The following CNTNAP4 variants were observed in gnomAD, a reference collection of about 807,000 sequenced individuals.
The protein encoded by CNTNAP4 is contactin associated protein family member 4, also known as contactin-associated protein-like 4.
A neutral mutation model predicts 148.4 loss-of-function variants in CNTNAP4; 98 were observed. The ratio of observed to expected loss-of-function variants is 0.66; its 90% confidence interval spans 0.56 to 0.78. The LOEUF (loss-of-function observed/expected upper bound fraction) is 0.78, where lower values mean the gene tolerates loss of function less well. Among genes scored for constraint, CNTNAP4 ranks in the 30% least tolerant of loss-of-function variants. The pLI is 0.00. For synonymous variants in CNTNAP4, 730 were observed against 565.1 expected (o/e 1.29, Z -4.14); for missense variants, 1,935 against 1,565.6 (o/e 1.24, Z -3.98).
intron 10 of CNTNAP4, among the ~76,000 whole-genome samples, chr16:76,471,423 A>G (rs1321004788): frequency 2.0e-5 from 3 of 152,212 alleles, no homozygotes; most frequent in Non-Finnish European, 4.4e-5. Context: ...ACAGGAACTA[A>G]GAGGCTGTTG....
intron 21 of CNTNAP4, among the ~76,000 whole-genome samples, chr16:76,547,456 TCAA>T (rs2084785255): frequency 6.6e-6 from 1 of 152,158 alleles, no homozygotes; most frequent in African/African-American, 2.4e-5. Context: ...ATTTTTTGTG[TCAA>T]ATACATAATG....
chr16:76,513,169 C>A (rs898743535), intron 15 of CNTNAP4, among the ~76,000 whole-genome samples: 2 of 152,102 alleles, frequency 1.3e-5, no homozygotes, highest in African/African-American at 4.8e-5. Flanking sequence ...TTCATTCTGA[C>A]AGGAGAAAAT....
chr16:76,460,904 G>T (rs1568266636), intron 8 of CNTNAP4, among the ~76,000 whole-genome samples: 1 of 150,288 alleles, frequency 6.7e-6, no homozygotes, highest in African/African-American at 2.5e-5. Flanking sequence ...TTTGCTCCTG[G>T]GGGAAATACA....
chr16:76,447,836 T>C (rs1473344575), intron 4 of CNTNAP4, among the ~76,000 whole-genome samples, 176 bp from the exon 5 acceptor site: 5 of 152,224 alleles, frequency 3.3e-5, no homozygotes, highest in African/African-American at 4.8e-5. Context: ...CAACTAACAA[T>C]ATTTTTAACT....
intron 2 of CNTNAP4, among the ~76,000 whole-genome samples, chr16:76,348,305 G>A (rs1383257579): frequency 6.6e-6 from 1 of 151,956 alleles, no homozygotes; most frequent in Non-Finnish European, 1.5e-5. Context: ...TTTTGGAAAT[G>A]TTAAAGAGAT....
At chr16:76,302,352 C>A (rs1960062625) in intron 1 of CNTNAP4, among the ~76,000 whole-genome samples, 1 of 152,100 alleles carries the variant, frequency 6.6e-6, no homozygotes, top group Non-Finnish European at 1.5e-5. Flanking sequence ...GGATTCTCTC[C>A]AAGCTCACGT....
At chr16:76,526,831 G>A (rs147294868) in intron 17 of CNTNAP4, among the ~76,000 whole-genome samples, 67 of 151,784 alleles carry the variant, frequency 4.4e-4, no homozygotes, top group African/African-American at 1.4e-3. Flanking sequence ...ATGCCACCAC[G>A]CTTGGCTAAT....
intron 1 of CNTNAP4, among the ~76,000 whole-genome samples, chr16:76,279,041 T>TTCACCTAG (rs1444344630): frequency 6.6e-6 from 1 of 152,168 alleles, no homozygotes; most frequent in Non-Finnish European, 1.5e-5. Context: ...AATGTATAAT[T>TTCACCTAG]TCACCTAGTC....
Position 76,452,575 on chromosome 16 carries a change from A to T in CNTNAP4, c.1139A>T (p.Tyr380Phe), listed in dbSNP as rs147873764. 1,294 of 1,614,002 alleles carry T rather than the reference A, an allele frequency of 8.0e-4. 4 individuals carry two copies. Among genetic ancestry groups the T allele is most frequent in the Non-Finnish European group, 8.4e-4 (991 of 1,179,886 alleles). ...GTGACTTTTCTGAGCTCCAGGAGTTATTTAGCACTGCCAGACTTCTCTGGA... is the reference window on the plus strand; with the variant it reads ...GTGACTTTTCTGAGCTCCAGGAGTTTTTTAGCACTGCCAGACTTCTCTGGA... Reference protein sequence around the residue: ...MPVTFLSSRSYLALPDFSGEE... With the variant: ...MPVTFLSSRSFLALPDFSGEE... Residue 380 changes from tyrosine to phenylalanine, a missense_variant, in exon 8 of 24, where the codon TAT becomes TTT. By Grantham distance (22) the Tyr-to-Phe change is conservative. Transcript: ENST00000611870.
chr16:76,378,764 C>T (rs781712759), intron 3 of CNTNAP4, among the ~76,000 whole-genome samples: 2 of 152,160 alleles, frequency 1.3e-5, no homozygotes, highest in Non-Finnish European at 2.9e-5. Flanking sequence ...GGATGTTGTG[C>T]TCCTGCAAAG....
intron 1 of CNTNAP4, 83 bp downstream of exon 1, chr16:76,277,830 G>A: frequency 1.1e-6 from 1 of 890,428 alleles, no homozygotes; most frequent in South Asian, 1.4e-5. Flanking sequence ...ATGATTATTT[G>A]CAGCTGGGAT....
intron 13 of CNTNAP4, 81 bp downstream of exon 13, chr16:76,489,964 G>T: frequency 1.1e-6 from 1 of 929,636 alleles, no homozygotes; most frequent in Non-Finnish European, 1.5e-6. Context: ...TTTTAAGTCT[G>T]CAAAGTGGTG....
chr16:76,386,311 G>A (rs1280267524), intron 3 of CNTNAP4, among the ~76,000 whole-genome samples: 1 of 151,706 alleles, frequency 6.6e-6, no homozygotes. Context: ...AACTAGCCTC[G>A]GGCAAAATAG....
chr16:76,408,093 G>A (rs1240488667), intron 3 of CNTNAP4, among the ~76,000 whole-genome samples: 4 of 151,724 alleles, frequency 2.6e-5, no homozygotes, highest in Non-Finnish European at 5.9e-5. Context: ...TAAAATTAAG[G>A]CATATACATT....
chr16:76,376,241 A>G (rs1321291142), intron 3 of CNTNAP4, among the ~76,000 whole-genome samples: 2 of 152,234 alleles, frequency 1.3e-5, no homozygotes, highest in African/African-American at 2.4e-5. Context: ...GTTATCAGCA[A>G]TTCAGCTAAA....
At chr16:76,434,087 T>C (rs1197638144) in intron 4 of CNTNAP4, among the ~76,000 whole-genome samples, 2 of 149,480 alleles carry the variant, frequency 1.3e-5, no homozygotes, top group African/African-American at 4.9e-5. Flanking sequence ...CAAAGGGATA[T>C]ATATCTAATA....
rs553272845 is a variant in CNTNAP4, at chr16:76,294,742, T to C, written c.85+16995T>C. 6.8e-4 allele frequency among the ~76,000 whole-genome samples: 103 copies of C among 152,292 alleles called. 2 individuals are homozygous for C. Among genetic ancestry groups the C allele is most frequent in the Middle Eastern group, 3.4e-3 (1 of 294 alleles). On this transcript the variant is annotated intron_variant, in intron 1 of 23. Coordinates refer to ENST00000611870, the MANE Select transcript of CNTNAP4 (RefSeq NM_033401.5). ...TTTCACTTTACTCTGCACATTTCAT[T>C]CATTTATTCACTCAACAAATAGTTA...
intron 1 of CNTNAP4, among the ~76,000 whole-genome samples, chr16:76,290,606 G>A (rs574668569): frequency 1.3e-5 from 2 of 152,016 alleles, no homozygotes; most frequent in Admixed American, 1.3e-4. Context: ...TCAAGAAAAG[G>A]GTAAGTGGTT....
chr16:76,379,978 GTCTA>G (rs1239239089), intron 3 of CNTNAP4, among the ~76,000 whole-genome samples: 3 of 152,116 alleles, frequency 2.0e-5, no homozygotes, highest in African/African-American at 7.2e-5. Context: ...GAGTATTTTT[GTCTA>G]TCTACTTTAA....
Sources: gnomAD v4.1 joint callset for allele counts (sites outside exome capture counted in the v4.1 genomes callset) on GRCh38, gnomAD v4.1.1 for gene constraint, MANE v1.5 for transcripts, NCBI Gene and HGNC (gene_info 2026-07-23, HGNC 2026-07-21) for gene names.